TENM1: variants seen among roughly 807,000 people sequenced by gnomAD.
TENM1 encodes the protein teneurin transmembrane protein 1, also known as teneurin-1.
Under a neutral mutation model 174.8 loss-of-function variants are expected in TENM1, and 35 were observed. That is an observed-to-expected ratio of 0.20 (90% CI 0.15 to 0.27). TENM1 has a LOEUF of 0.27. Among genes scored for constraint, TENM1 ranks in the 10% least tolerant of loss-of-function variants. The probability of loss-of-function intolerance (pLI) is 1.00; values close to 1 mark genes in which losing one functional copy is unlikely to be tolerated. For synonymous variants in TENM1, 781 were observed against 798.7 expected, an observed-to-expected ratio of 0.98 and a Z score of 0.37; for missense variants, 1,633 against 2,130.1, an observed-to-expected ratio of 0.77 and a Z score of 4.59.
intron 5 of TENM1, among the ~76,000 whole-genome samples, chrX:124,703,298 G>A (rs973946700): frequency 9.0e-6 from 1 of 111,586 alleles, no homozygotes; most frequent in Non-Finnish European, 1.9e-5. Flanking sequence ...AAATTGATAT[G>A]CCATTGTTTA....
chrX:124,866,057 T>C (rs2056999208), intron 3 of TENM1, among the ~76,000 whole-genome samples: 3 of 111,802 alleles, frequency 2.7e-5, no homozygotes, highest in South Asian at 3.7e-4. Context: ...AATACAATAA[T>C]AGCTGCAGAC....
At position 124,530,480 on chromosome X, in the gene TENM1, T is replaced by C. The variant is rs780371022; in HGVS notation, c.2652-497A>G. On this transcript the variant is annotated intron_variant, in intron 15 of 31. Transcript: ENST00000422452. ...AATATATTGTAAGATAAGACTAAAG[T>C]CCCTACTGACCGCCTTTTTCCTGCT... Among the ~76,000 whole-genome samples the C allele has an allele frequency of 1.7e-3, 193 of 111,343 alleles. 1 individual carries two copies. The highest frequency in any genetic ancestry group is 5.9e-3 in the African/African-American group (180 of 30,675).
the TENM1 span, among the ~76,000 whole-genome samples, chrX:125,001,324 ACTGAG>A: frequency 9.0e-6 from 1 of 111,138 alleles, no homozygotes; most frequent in Admixed American, 9.7e-5. Context: ...CACTTGGTTG[ACTGAG>A]TTAGGTGAGA....
intron 20 of TENM1, 108 bp from the exon 24 acceptor site, chrX:124,487,337 T>A: frequency 1.4e-6 from 1 of 728,168 alleles, no homozygotes; most frequent in Non-Finnish European, 2.1e-6. Flanking sequence ...TAACTCAGAT[T>A]GCGGCATTTA....
intron 11 of TENM1, among the ~76,000 whole-genome samples, chrX:124,595,015 G>A (rs2049855831): frequency 8.9e-6 from 1 of 111,893 alleles, no homozygotes; most frequent in Non-Finnish European, 1.9e-5. Flanking sequence ...CAAAAGTGTT[G>A]TACTCCTTTG....
At chrX:125,149,678 A>G in the TENM1 span, among the ~76,000 whole-genome samples, 1 of 112,085 alleles carries the variant, frequency 8.9e-6, no homozygotes, top group African/African-American at 3.2e-5. Context: ...AACATTTCCT[A>G]TCCTTATCTG....
intron 5 of TENM1, among the ~76,000 whole-genome samples, chrX:124,686,364 C>G (rs1228505411): frequency 8.9e-6 from 1 of 111,978 alleles, no homozygotes; most frequent in Non-Finnish European, 1.9e-5. Flanking sequence ...GGGTGTTTTT[C>G]AACCTGAAAA....
At chrX:125,026,126 G>C in the TENM1 span, among the ~76,000 whole-genome samples, 1 of 108,728 alleles carries the variant, frequency 9.2e-6, no homozygotes, top group Non-Finnish European at 1.9e-5. Context: ...ACAAAAATCT[G>C]GTTTATTTAA....
chrX:124,583,515 C>T (rs2049391836), intron 11 of TENM1, among the ~76,000 whole-genome samples: 1 of 110,877 alleles, frequency 9.0e-6, no homozygotes, highest in Non-Finnish European at 1.9e-5. Flanking sequence ...GAAAGGACAT[C>T]CACACCAAAA....
At chrX:124,801,323 T>C (rs12389475) in intron 3 of TENM1, among the ~76,000 whole-genome samples, 240 of 112,113 alleles carry the variant, frequency 2.1e-3, no homozygotes, top group African/African-American at 7.4e-3. Context: ...GTTGTTGAAT[T>C]GATCCCTTTT....
chrX:124,807,916 C>CACACAA lies in TENM1; in HGVS notation c.536-70720_536-70719insTTGTGT, dbSNP rs746369843. ...ACACACACACACACACACACACACA[C>CACACAA]ACAGAGGAAGGAAGGTACCAAAGAA... On this transcript the variant is annotated intron_variant, in intron 3 of 31. Coordinates refer to ENST00000422452, the Ensembl canonical transcript of TENM1. 6.0e-3 allele frequency among the ~76,000 whole-genome samples: 641 copies of CACACAA among 106,884 alleles called. 16 individuals are homozygous for CACACAA. The highest frequency in any genetic ancestry group is 0.02 in the African/African-American group (587 of 28,844). The allele number at this position is 106,884 out of a possible 115,157, so 92.8% of individuals were successfully genotyped here. A position where few individuals can be genotyped will look rare whatever the true frequency, so the allele number is the denominator to read the frequency against.
At chrX:124,471,240 A>T (rs1379678194) in intron 22 of TENM1, among the ~76,000 whole-genome samples, 1 of 64,493 alleles carries the variant, frequency 1.6e-5, no homozygotes, top group African/African-American at 6.8e-5. Context: ...ACTATATATA[A>T]TATATAATAA....
the TENM1 span, among the ~76,000 whole-genome samples, chrX:125,118,248 C>A: frequency 9.0e-6 from 1 of 110,689 alleles, no homozygotes; most frequent in Admixed American, 9.7e-5. Context: ...GGAGTGAGGG[C>A]TGAAAAATTA....
intron 25 of TENM1, among the ~76,000 whole-genome samples, chrX:124,409,355 G>A (rs1260123951): frequency 2.7e-5 from 3 of 109,372 alleles, no homozygotes; most frequent in African/African-American, 1.0e-4. Flanking sequence ...AATAAATTAG[G>A]TATTGATGGG....
At chrX:124,449,923 G>T (rs1427759546) in intron 23 of TENM1, among the ~76,000 whole-genome samples, 1 of 110,982 alleles carries the variant, frequency 9.0e-6, no homozygotes, top group Non-Finnish European at 1.9e-5. Context: ...GGTGGCAGGA[G>T]ATCTTAGAGT....
intron 4 of TENM1, among the ~76,000 whole-genome samples, chrX:124,708,797 G>A (rs1295253219): frequency 9.0e-6 from 1 of 111,393 alleles, no homozygotes; most frequent in Non-Finnish European, 1.9e-5. Context: ...GGTATTTTCT[G>A]AACTTTTCTG....
At chrX:125,081,218 G>C in the TENM1 span, among the ~76,000 whole-genome samples, 1 of 111,119 alleles carries the variant, frequency 9.0e-6, no homozygotes, top group Admixed American at 9.6e-5. Flanking sequence ...TATGGAGTGT[G>C]TGTTTGTCGG....
chrX:124,462,104 T>A (rs1354828828), intron 22 of TENM1, among the ~76,000 whole-genome samples: 1 of 104,363 alleles, frequency 9.6e-6, no homozygotes, highest in African/African-American at 3.8e-5. Context: ...AGAACAGAGT[T>A]AGATTACGTT....
intron 22 of TENM1, among the ~76,000 whole-genome samples, chrX:124,469,613 T>C (rs1242074693): frequency 9.0e-6 from 1 of 111,723 alleles, no homozygotes; most frequent in Admixed American, 9.6e-5. Flanking sequence ...AAATATATTA[T>C]ATCTTTACGA....
Sources: allele counts gnomAD v4.1 joint callset (sites outside exome capture counted in the v4.1 genomes callset), GRCh38; gene constraint gnomAD v4.1.1; transcripts MANE v1.5; gene names NCBI Gene and HGNC (gene_info 2026-07-23, HGNC 2026-07-21).